The following TNRC6C variants were observed in gnomAD, a reference collection of about 807,000 sequenced individuals.
The protein encoded by TNRC6C is trinucleotide repeat containing adaptor 6C.
In TNRC6C, 20 loss-of-function variants were observed where a neutral mutation model predicts 153.7. The observed-to-expected ratio is 0.13, with a 90% CI of 0.09 to 0.19. The LOEUF (loss-of-function observed/expected upper bound fraction) is 0.19. Ranked by LOEUF, TNRC6C falls within the 10% of genes least tolerant of loss-of-function variation. TNRC6C has a pLI of 1.00. For synonymous variants in TNRC6C, 811 were observed against 841.4 expected (o/e 0.96, Z 0.63); for missense variants, 1,987 against 2,172.0 (o/e 0.91, Z 1.69).
exon 3 of TNRC6C, chr17:78,051,068 G>C: frequency 6.2e-7 from 1 of 1,607,666 alleles, no homozygotes; most frequent in Non-Finnish European, 8.5e-7. Context: ...AACTGGGCTA[G>C]CAAACCCCAA....
exon 20 of TNRC6C, chr17:78,107,050 A>G (rs189880005): frequency 2.0e-5 from 3 of 152,266 alleles, no homozygotes; most frequent in African/African-American, 7.2e-5. Flanking sequence ...TTGCCATTAC[A>G]TGCGTTCTAT....
chr17:78,031,921 T>C, intron 2 of TNRC6C, 79 bp downstream of exon 4: 1 of 1,201,112 alleles, frequency 8.3e-7, no homozygotes, highest in East Asian at 3.2e-5. Context: ...GCAATAGAAA[T>C]AGACATATTT....
intron 1 of TNRC6C, among the ~76,000 whole-genome samples, chr17:78,027,798 C>T (rs972715512): frequency 3.3e-5 from 5 of 151,900 alleles, no homozygotes; most frequent in Non-Finnish European, 5.9e-5. Context: ...AAGGGATGTG[C>T]GTCTTTGAGT....
At chr17:78,091,137 C>T (rs1286645256) in intron 13 of TNRC6C, among the ~76,000 whole-genome samples, 2 of 152,112 alleles carry the variant, frequency 1.3e-5, no homozygotes, top group Non-Finnish European at 2.9e-5. Flanking sequence ...CCTAGAAATA[C>T]ATGTTGTTAT....
At position 78,075,444 on chromosome 17, in the gene TNRC6C, A is replaced by C; in HGVS notation, c.3060+166A>C. 1 of 781,730 alleles carries C rather than the reference A, an allele frequency of 1.3e-6. No individual in the cohort carries two copies. The highest frequency in any genetic ancestry group is 2.0e-6 in the Non-Finnish European group (1 of 508,136). 48.4% of individuals were successfully genotyped at this position (781,730 alleles called of 1,614,324 possible). ...TATGAACATTTAACTCAAAGAAGGG[A>C]ATGTCGTATTTCATAAGATGTTACT... On this transcript the variant is annotated intron_variant, in intron 8 of 19. Coordinates refer to ENST00000301624, the Ensembl canonical transcript of TNRC6C. This position sits in a 1 kb window ranked among gnomAD's most constrained non-coding sequence, Gnocchi z 4.2.
chr17:77,986,124 A>G (rs903299222), intron 1 of TNRC6C, among the ~76,000 whole-genome samples: 2 of 152,206 alleles, frequency 1.3e-5, no homozygotes, highest in African/African-American at 2.4e-5. Context: ...GGAAATAAAT[A>G]TGAAGAAATG....
chr17:78,075,477 A>G lies in TNRC6C; in HGVS notation c.3060+199A>G, dbSNP rs112670845. 4 of 644,918 alleles carry G rather than the reference A, an allele frequency of 6.2e-6. No individual in the cohort carries two copies. The highest frequency in any genetic ancestry group is 1.8e-5 in the African/African-American group (1 of 55,170). 39.9% of individuals were successfully genotyped at this position (644,918 alleles called of 1,614,324 possible). A position where few individuals can be genotyped will look rare whatever the true frequency, so the allele number is the denominator to read the frequency against. ...ATTTCATAAGATGTTACTGAGAATG[A>G]AAAAGACTGGGATTGAAAACTGATT... On this transcript the variant is annotated intron_variant, in intron 8 of 19. Coordinates refer to ENST00000301624, the Ensembl canonical transcript of TNRC6C. This position sits in a 1 kb window ranked among gnomAD's most constrained non-coding sequence, Gnocchi z 4.2.
At chr17:78,076,191 G>T (rs1278492736) in intron 8 of TNRC6C, among the ~76,000 whole-genome samples, 1 of 151,570 alleles carries the variant, frequency 6.6e-6, no homozygotes, top group African/African-American at 2.4e-5. Flanking sequence ...ACTCCAGCCT[G>T]GACGAGAGAG....
chr17:78,002,857 A>G (rs200752661), upstream of TNRC6C, among the ~76,000 whole-genome samples: 2 of 152,214 alleles, frequency 1.3e-5, no homozygotes, highest in East Asian at 3.8e-4. Flanking sequence ...ATAGTTCTTC[A>G]GTGATTGAAT....
chr17:77,966,991 G>T (rs996087759), intron 1 of TNRC6C, among the ~76,000 whole-genome samples: 2 of 152,052 alleles, frequency 1.3e-5, no homozygotes, highest in African/African-American at 4.8e-5. Flanking sequence ...TAAATTTTAG[G>T]TAAACTTAAG....
exon 16 of TNRC6C, chr17:78,093,725 C>T: frequency 6.2e-7 from 1 of 1,614,000 alleles, no homozygotes; most frequent in Non-Finnish European, 8.5e-7. Flanking sequence ...ATCAACACCA[C>T]CATCCAGGAT....
At chr17:78,076,243 A>G (rs2144354228) in intron 8 of TNRC6C, among the ~76,000 whole-genome samples, 1 of 152,062 alleles carries the variant, frequency 6.6e-6, no homozygotes, top group African/African-American at 2.4e-5. Context: ...GAAAAAAAAA[A>G]AAGGAAAGGC....
At chr17:77,996,473 T>G (rs1458258886) in intron 1 of TNRC6C, among the ~76,000 whole-genome samples, 1 of 152,180 alleles carries the variant, frequency 6.6e-6, no homozygotes, top group Non-Finnish European at 1.5e-5. Context: ...GTGAATCCAC[T>G]CCAGGTGTCT....
At chr17:78,089,099 A>G (rs1178138051) in intron 13 of TNRC6C, among the ~76,000 whole-genome samples, 1 of 149,538 alleles carries the variant, frequency 6.7e-6, no homozygotes, top group African/African-American at 2.5e-5. Flanking sequence ...TCCCAAATTG[A>G]TGGGATTACA....
At chr17:78,035,506 T>G (rs1477424604) in intron 2 of TNRC6C, among the ~76,000 whole-genome samples, 4 of 152,244 alleles carry the variant, frequency 2.6e-5, no homozygotes, top group African/African-American at 7.2e-5. Context: ...ACAACAAATA[T>G]GTACCCATCT....
At chr17:78,024,430 G>A (rs1380425545) in intron 1 of TNRC6C, among the ~76,000 whole-genome samples, 3 of 151,948 alleles carry the variant, frequency 2.0e-5, no homozygotes, top group Admixed American at 6.6e-5. Flanking sequence ...GCAGTGGCCC[G>A]ATCTTGGCTC....
At position 77,983,111 on chromosome 17, in the gene TNRC6C, AC is replaced by A. The variant is rs1380900115; in HGVS notation, c.-37-21057del. ...TGTTGAATATGGCGTAAATTCACAG[AC>A]CAACTTTCATATTATACTTAATGGT... On this transcript the variant is annotated intron_variant, in intron 1 of 22. Transcript: ENST00000636222. Among the ~76,000 whole-genome samples, 7 of 152,324 alleles carry A rather than the reference AC, an allele frequency of 4.6e-5. No individual in the cohort carries two copies. The East Asian group carries it at 1.4e-3, about 29-fold the overall frequency.
At chr17:78,029,034 C>G (rs900764123) in intron 1 of TNRC6C, among the ~76,000 whole-genome samples, 14 of 152,186 alleles carry the variant, frequency 9.2e-5, no homozygotes, top group African/African-American at 1.9e-4. Flanking sequence ...CTCTTCTGCT[C>G]CTTTTTTAAA....
At chr17:77,976,669 C>T (rs1023834546) in intron 1 of TNRC6C, among the ~76,000 whole-genome samples, 2 of 152,144 alleles carry the variant, frequency 1.3e-5, no homozygotes, top group African/African-American at 4.8e-5. Flanking sequence ...TGGCTCATGC[C>T]TGTAATCCCA....
Sources: gnomAD v4.1 joint callset for allele counts (sites outside exome capture counted in the v4.1 genomes callset) on GRCh38, gnomAD v4.1.1 for gene constraint, Gnocchi (gnomAD v3.1) non-coding constraint, MANE v1.5 for transcripts, NCBI Gene and HGNC (gene_info 2026-07-23, HGNC 2026-07-21) for gene names.